The following CSMD1 variants were observed in gnomAD, a reference collection of about 807,000 sequenced individuals.
CSMD1 encodes the protein CUB and sushi domain-containing protein 1.
CSMD1 carries 213 observed loss-of-function variants against 417.5 expected under a neutral mutation model. That is an observed-to-expected ratio of 0.51 (90% CI 0.46 to 0.57). The LOEUF (loss-of-function observed/expected upper bound fraction) is 0.57, where lower values mean the gene tolerates loss of function less well. CSMD1 is among the 20% of genes least tolerant of loss of function. CSMD1 has a pLI of 0.00. For synonymous variants in CSMD1, 2,862 were observed against 1,736.8 expected (o/e 1.65, Z -16.11); for missense variants, 6,923 against 4,529.7 (o/e 1.53, Z -15.17).
At chr8:3,541,946 G>A (rs1419064145) in intron 10 of CSMD1, among the ~76,000 whole-genome samples, 2 of 152,042 alleles carry the variant, frequency 1.3e-5, no homozygotes, top group African/African-American at 4.8e-5. Flanking sequence ...CACCCAGGAG[G>A]TGGAGGTTGG....
chr8:3,896,377 C>G (rs994835260), intron 5 of CSMD1, among the ~76,000 whole-genome samples: 39 of 152,134 alleles, frequency 2.6e-4, no homozygotes, highest in African/African-American at 9.2e-4. Flanking sequence ...ATAGTCCAAA[C>G]AGATGTTAAC....
chr8:3,596,516 G>C (rs1584938727), intron 8 of CSMD1, among the ~76,000 whole-genome samples: 1 of 152,052 alleles, frequency 6.6e-6, no homozygotes, highest in African/African-American at 2.4e-5. Context: ...TTCTTTTTTT[G>C]TAACTTGGGA....
chr8:4,075,580 A>T (rs1799778398), intron 3 of CSMD1, among the ~76,000 whole-genome samples: 1 of 152,208 alleles, frequency 6.6e-6, no homozygotes, highest in South Asian at 2.1e-4. Flanking sequence ...AACGATGATT[A>T]ATTTATTCCT....
intron 2 of CSMD1, among the ~76,000 whole-genome samples, chr8:4,529,971 G>C (rs1796713123): frequency 6.6e-6 from 1 of 151,786 alleles, no homozygotes; most frequent in African/African-American, 2.4e-5. Flanking sequence ...CTGGAGTGCA[G>C]TGGCGAGATC....
chr8:4,910,180 A>G (rs989488703), intron 1 of CSMD1, among the ~76,000 whole-genome samples: 4 of 152,224 alleles, frequency 2.6e-5, no homozygotes, highest in African/African-American at 9.6e-5. Context: ...GTTTCATTAT[A>G]CACATACACA....
intron 3 of CSMD1, among the ~76,000 whole-genome samples, chr8:4,090,656 G>C (rs868006414): frequency 5.3e-5 from 8 of 152,176 alleles, no homozygotes; most frequent in Non-Finnish European, 7.3e-5. Context: ...AGTAATTTAA[G>C]TGAAAGAAAG....
chr8:3,508,801 G>A (rs952233572), intron 10 of CSMD1, among the ~76,000 whole-genome samples: 2 of 152,066 alleles, frequency 1.3e-5, no homozygotes, highest in East Asian at 1.9e-4. Flanking sequence ...CACCACCTAC[G>A]CTTTTCCCAT....
At chr8:4,402,145 T>G (rs1162808432) in intron 3 of CSMD1, among the ~76,000 whole-genome samples, 4 of 152,130 alleles carry the variant, frequency 2.6e-5, no homozygotes, top group Non-Finnish European at 2.9e-5. Flanking sequence ...AGTCATATGG[T>G]CAGAGACCAG....
chr8:3,183,300 T>G (rs1233877640), intron 36 of CSMD1, among the ~76,000 whole-genome samples: 2 of 143,306 alleles, frequency 1.4e-5, no homozygotes. Context: ...AAACATCGAG[T>G]AGGTCTCTAA....
chr8:3,044,444 T>C (rs1397394661), intron 50 of CSMD1, among the ~76,000 whole-genome samples: 1 of 152,192 alleles, frequency 6.6e-6, no homozygotes, highest in Non-Finnish European at 1.5e-5. Flanking sequence ...AATTTAGTTT[T>C]TCACTGGAAG....
At chr8:4,436,482 C>G (rs554403527) in intron 2 of CSMD1, among the ~76,000 whole-genome samples, 1 of 152,190 alleles carries the variant, frequency 6.6e-6, no homozygotes, top group African/African-American at 2.4e-5. Flanking sequence ...TAATAATCAC[C>G]TCAGGTTGAG....
intron 3 of CSMD1, among the ~76,000 whole-genome samples, chr8:4,331,861 A>C (rs1421193176): frequency 6.6e-6 from 1 of 151,356 alleles, no homozygotes; most frequent in Non-Finnish European, 1.5e-5. Context: ...CATTTGCTTA[A>C]AAAAATACAT....
At chr8:3,542,275 G>T (rs376602009) in intron 10 of CSMD1, among the ~76,000 whole-genome samples, 4 of 152,238 alleles carry the variant, frequency 2.6e-5, no homozygotes, top group East Asian at 3.9e-4. Flanking sequence ...TATGTCATCT[G>T]AAGATGGTTC....
chr8:3,537,262 C>G (rs1798242301), intron 10 of CSMD1, among the ~76,000 whole-genome samples: 1 of 152,182 alleles, frequency 6.6e-6, no homozygotes, highest in Admixed American at 6.5e-5. Context: ...CTTGGCCTCC[C>G]AAAGTGCTGG....
At chr8:3,896,190 G>C (rs953731834) in intron 5 of CSMD1, among the ~76,000 whole-genome samples, 3 of 152,202 alleles carry the variant, frequency 2.0e-5, no homozygotes, top group Non-Finnish European at 2.9e-5. Context: ...ATGATCTAGA[G>C]CCCTGTGACA....
chr8:4,986,666 A>G (rs1192645132), intron 1 of CSMD1, among the ~76,000 whole-genome samples: 1 of 152,168 alleles, frequency 6.6e-6, no homozygotes, highest in African/African-American at 2.4e-5. Context: ...AAGTCTCCCC[A>G]TAATATAAAC....
intron 50 of CSMD1, among the ~76,000 whole-genome samples, chr8:3,039,751 T>G (rs6995782): frequency 6.6e-6 from 1 of 152,040 alleles, no homozygotes; most frequent in African/African-American, 2.4e-5. Context: ...CTATAGCAAC[T>G]TGAGTTACAG....
chr8:4,311,526 C>A (rs532886687), intron 3 of CSMD1, among the ~76,000 whole-genome samples: 4 of 152,100 alleles, frequency 2.6e-5, no homozygotes, highest in Admixed American at 2.6e-4. Flanking sequence ...AGTTCGAGAC[C>A]AGCCTGACCA....
intron 1 of CSMD1, among the ~76,000 whole-genome samples, chr8:4,650,813 T>G (rs1459975274): frequency 6.6e-6 from 1 of 152,192 alleles, no homozygotes; most frequent in Non-Finnish European, 1.5e-5. Context: ...TTTACCCAAG[T>G]TTTGCTTCCA....
Sources: gnomAD v4.1 joint callset for allele counts (sites outside exome capture counted in the v4.1 genomes callset) on GRCh38, gnomAD v4.1.1 for gene constraint, MANE v1.5 for transcripts, NCBI Gene and HGNC (gene_info 2026-07-23, HGNC 2026-07-21) for gene names.